The following CCDC27 variants were observed in gnomAD, a reference collection of about 807,000 sequenced individuals.
CCDC27 encodes the protein coiled-coil domain containing 27, also known as coiled-coil domain-containing protein 27.
CCDC27 carries 80 observed loss-of-function variants against 80.3 expected under a neutral mutation model. That is an observed-to-expected ratio of 1.00 (90% CI 0.83 to 1.20). The LOEUF is 1.20. CCDC27 is among the 50% of genes most tolerant of loss of function. The pLI, the probability that CCDC27 is intolerant of heterozygous loss-of-function variation, is 0.00. For synonymous variants in CCDC27, 342 were observed against 334.3 expected (o/e 1.02, Z -0.25); for missense variants, 815 against 809.4 (o/e 1.01, Z -0.08).
At chr1:3,756,526 G>A (rs556623799) in intron 3 of CCDC27, 68 of 515,384 alleles carry the variant, frequency 1.3e-4, no homozygotes, top group East Asian at 2.9e-4. Context: ...GCTGTGCTGG[G>A]TGTGGGCGCC....
intron 2 of CCDC27, 86 bp downstream of exon 2, chr1:3,754,327 C>A (rs540137045): frequency 2.1e-6 from 3 of 1,441,632 alleles, no homozygotes; most frequent in Non-Finnish European, 2.7e-6. Flanking sequence ...CTTCAGCCTG[C>A]GAGCAGCCGC....
intron 11 of CCDC27, 141 bp downstream of exon 11, chr1:3,770,028 C>G (rs1364828146): frequency 4.6e-6 from 3 of 657,700 alleles, no homozygotes; most frequent in African/African-American, 1.8e-5. Context: ...ACCCCAGGAC[C>G]CTCCTTTCTC....
rs1262894988 is a variant in CCDC27, at chr1:3,761,352, G to C, written c.783G>C (p.Glu261Asp). 3.1e-6 allele frequency: 5 copies of C among 1,614,054 alleles called. No individual in the cohort carries two copies. Among genetic ancestry groups the C allele is most frequent in the East Asian group, 4.5e-5 (2 of 44,898 alleles). The change falls in exon 5 of 12, where the codon GAG becomes GAC. Residue 261 changes from glutamate to aspartate, a missense_variant. Glu to Asp is a conservative substitution (Grantham distance 45). Transcript: ENST00000294600. The surrounding 1 kb of genome is among the most constrained non-coding windows in gnomAD (Gnocchi z 5.0). ...AGGAGATCCTGCTGCTCCAGGAGGAGAGGGAGGCCCTGAAGATGCAGCTGA... is the reference window on the plus strand; with the variant it reads ...AGGAGATCCTGCTGCTCCAGGAGGACAGGGAGGCCCTGAAGATGCAGCTGA... ...KDEEILLLQE[E>D]REALKMQLKC...
At position 3,761,411 on chromosome 1, in the gene CCDC27, C is replaced by A; in HGVS notation, c.842C>A (p.Ser281Tyr). 1 of 1,613,888 alleles carries A rather than the reference C, an allele frequency of 6.2e-7. No homozygotes were observed. The highest frequency in any genetic ancestry group is 8.5e-7 in the Non-Finnish European group (1 of 1,179,992). ...CLLKGKGQET[S>Y]MSPGRREQLS... ...CTGAAAGGCAAAGGCCAAGAGACAT[C>A]CATGTCCCCAGGCAGGAGGGTGAGC... The change falls in exon 5 of 12, where the codon TCC becomes TAC. Residue 281 changes from serine (S) to tyrosine (Y), a missense_variant. Transcript: ENST00000294600. The surrounding 1 kb of genome is among the most constrained non-coding windows in gnomAD (Gnocchi z 5.0).
At chr1:3,762,372 T>C (rs558163434) in intron 5 of CCDC27, among the ~76,000 whole-genome samples, 6 of 152,256 alleles carry the variant, frequency 3.9e-5, no homozygotes, top group Non-Finnish European at 5.9e-5. Context: ...TGTCCTTTAC[T>C]GCAAGGCCAC....
chr1:3,754,159 C>T lies in CCDC27; in HGVS notation c.360C>T (p.Ser120=), dbSNP rs866236750. ...KDAASLTGFM[S]KMELRRVFPT... is the part of the protein sequence containing the mutation. ...CCGCCAGCCTCACCGGCTTCATGTC[C>T]AAAATGGAACTTCGAAGGGTCTTCC... The change falls in exon 2 of 12, where the codon TCC becomes TCT. Residue 120 remains serine, a synonymous_variant. Transcript: ENST00000294600. 5 of 1,613,748 alleles carry T rather than the reference C, an allele frequency of 3.1e-6. No individual in the cohort carries two copies. The highest frequency in any genetic ancestry group is 3.4e-6 in the Non-Finnish European group (4 of 1,179,884).
rs563694241 is a variant in CCDC27 at position 3,752,708 on chromosome 1, G to A, written c.227G>A (p.Arg76Gln). 4.2e-5 allele frequency: 68 copies of A among 1,613,872 alleles called. No individual in the cohort carries two copies. In the African/African-American group the frequency reaches 5.3e-4, roughly 13 times the overall value. The change falls in exon 1 of 12, where the codon CGG becomes CAG. Residue 76 changes from arginine (R) to glutamine (Q), a missense_variant. By Grantham distance (43) the Arg-to-Gln change is conservative (BLOSUM62 1). Transcript: ENST00000294600. ...ALVLLQSMASRDARCPEWKPH... is the reference protein window; with the variant it reads ...ALVLLQSMASQDARCPEWKPH... ...GTGCTCCTCCAGAGCATGGCCAGCC[G>A]GGACGCCCGGTGCCCAGAATGGAAA... is the stretch of plus-strand genomic sequence containing the variant.
In CCDC27 at chr1:3,767,387, A is replaced by G; in HGVS notation, c.1685A>G (p.Glu562Gly). Residue 562 changes from glutamate (E) to glycine (G), a missense_variant, in exon 10 of 12, where the codon GAG (glutamate) becomes GGG (glycine). Glu to Gly is a moderately conservative substitution (Grantham distance 98, BLOSUM62 -2). Coordinates refer to ENST00000294600, the MANE Select transcript of CCDC27 (RefSeq NM_152492.3). ...CAGGAGGATTTGCAGAGCAAGAAGGAGATGATTCAGCAGGCAGAGCAGCAC... is the reference window on the plus strand; with the variant it reads ...CAGGAGGATTTGCAGAGCAAGAAGGGGATGATTCAGCAGGCAGAGCAGCAC... ...QLQEDLQSKK[E>G]MIQQAEQHTR... The G allele has an allele frequency of 2.5e-6, 4 of 1,613,752 alleles. No homozygotes were observed. Among genetic ancestry groups the G allele is most frequent in the Non-Finnish European group, 3.4e-6 (4 of 1,180,028 alleles).
intron 11 of CCDC27, 144 bp from the exon 12 acceptor site, chr1:3,771,257 C>G: frequency 1.0e-6 from 1 of 974,590 alleles, no homozygotes; most frequent in South Asian, 1.6e-5. Context: ...AAGTATTCAC[C>G]AGCACACCCC....
rs764686407 is a variant in CCDC27, at chr1:3,761,399, G to T, written c.830G>T (p.Gly277Val). The T allele has an allele frequency of 2.5e-6, 4 of 1,614,040 alleles. No individual in the cohort carries two copies. The highest frequency in any genetic ancestry group is 3.4e-6 in the Non-Finnish European group (4 of 1,180,020). ...MQLKCLLKGK[G>V]QETSMSPGRR... ...CTGAAATGCCTTCTGAAAGGCAAAG[G>T]CCAAGAGACATCCATGTCCCCAGGC... Residue 277 changes from glycine (G) to valine (V), a missense_variant, in exon 5 of 12, where the codon GGC becomes GTC. Physicochemically the swap from Gly to Val is moderately radical, Grantham distance 109 (BLOSUM62 -3). Coordinates refer to ENST00000294600, the MANE Select transcript of CCDC27 (RefSeq NM_152492.3). The surrounding 1 kb of genome is among the most constrained non-coding windows in gnomAD (Gnocchi z 5.0).
rs896574720 is a variant in CCDC27, at chr1:3,768,713, G to A, written c.1744-1070G>A. 2.0e-5 allele frequency among the ~76,000 whole-genome samples: 3 copies of A among 152,154 alleles called. No homozygotes were observed. The highest frequency in any genetic ancestry group is 7.2e-5 in the African/African-American group (3 of 41,434). On this transcript the variant is annotated intron_variant, in intron 10 of 11. Transcript: ENST00000294600. The surrounding 1 kb of genome is among the most constrained non-coding windows in gnomAD (Gnocchi z 5.6). Reference sequence around the variant, plus strand: ...TGAGAAATATTGTGAAGCTAAGTCCGGGTGAGCAGGAACTAGCGCCAAGCC... The same window carrying A: ...TGAGAAATATTGTGAAGCTAAGTCCAGGTGAGCAGGAACTAGCGCCAAGCC...
intron 4 of CCDC27, chr1:3,757,288 A>G (rs1642981242): frequency 6.5e-6 from 1 of 153,750 alleles, no homozygotes; most frequent in African/African-American, 2.4e-5. Flanking sequence ...TATAAGAAAG[A>G]CTAACCTATA....
Position 3,752,497 on chromosome 1 carries a change from T to A in CCDC27, c.16T>A (p.Phe6Ile). MFEAI[F>I]PSTPQARLKR... is the part of the protein sequence containing the mutation. ...CAGCAGGTTCATGTTCGAGGCCATCTTCCCCTCCACACCCCAAGCCAGGCT... is the reference window on the plus strand; with the variant it reads ...CAGCAGGTTCATGTTCGAGGCCATCATCCCCTCCACACCCCAAGCCAGGCT... Residue 6 changes from phenylalanine to isoleucine, a missense_variant, in exon 1 of 12, where the codon TTC (phenylalanine) becomes ATC (isoleucine). Phe to Ile is a conservative substitution (Grantham distance 21, BLOSUM62 0). Transcript: ENST00000294600. The A allele has an allele frequency of 6.2e-7, 1 of 1,613,960 alleles. No homozygotes were observed. The highest frequency in any genetic ancestry group is 8.5e-7 in the Non-Finnish European group (1 of 1,179,954).
rs943329060 is a variant in CCDC27 at position 3,760,942 on chromosome 1, G to A, written c.712-339G>A. On this transcript the variant is annotated intron_variant, in intron 4 of 11. Transcript: ENST00000294600. This position sits in a 1 kb window ranked among gnomAD's most constrained non-coding sequence, Gnocchi z 4.3. ...TGTCGGGGCTGCAAAGAAGACTGGT[G>A]TCCTGTGGTATAGTGGGGTGCAGGG... Among the ~76,000 whole-genome samples the A allele has an allele frequency of 6.6e-6, 1 of 152,168 alleles. No homozygotes were observed. Among genetic ancestry groups the A allele is most frequent in the African/African-American group, 2.4e-5 (1 of 41,428 alleles).
chr1:3,755,411 G>T (rs374316942), intron 2 of CCDC27, 46 bp from the exon 3 acceptor site: 5 of 1,508,066 alleles, frequency 3.3e-6, no homozygotes, highest in African/African-American at 1.4e-5. Context: ...ATCTTGGGGA[G>T]ACAAGACCGC....
intron 11 of CCDC27, 104 bp from the exon 12 acceptor site, chr1:3,771,297 G>C (rs1004489578): frequency 7.0e-7 from 1 of 1,431,990 alleles, no homozygotes; most frequent in African/African-American, 1.4e-5. Flanking sequence ...GGAGGAGGAG[G>C]AGAGGGTGGC....
intron 11 of CCDC27, among the ~76,000 whole-genome samples, chr1:3,770,544 C>T (rs1469799697): frequency 1.3e-5 from 2 of 152,238 alleles, no homozygotes; most frequent in African/African-American, 2.4e-5. Flanking sequence ...AGCCGGGCAC[C>T]GGCTATGGCT....
chr1:3,762,589 G>A (rs1218060306), intron 5 of CCDC27, 31 bp from the exon 6 acceptor site: 2 of 1,541,372 alleles, frequency 1.3e-6, no homozygotes, highest in East Asian at 2.5e-5. Context: ...GGAGGGGCTG[G>A]AAAGCTGAGG....
chr1:3,761,486 C>A lies in CCDC27; in HGVS notation c.861+56C>A. On this transcript the variant is annotated intron_variant, in intron 5 of 11. Coordinates refer to ENST00000294600, the MANE Select transcript of CCDC27 (RefSeq NM_152492.3). This position sits in a 1 kb window ranked among gnomAD's most constrained non-coding sequence, Gnocchi z 5.0. ...AGCTCTAAGACGGTTGTTTTCAAAG[C>A]GTCCAAAGCTGCTAGTGACACACAG... 4.4e-6 allele frequency: 7 copies of A among 1,574,190 alleles called. No homozygotes were observed. The highest frequency in any genetic ancestry group is 6.0e-6 in the Non-Finnish European group (7 of 1,159,172).
Sources: allele counts gnomAD v4.1 joint callset (sites outside exome capture counted in the v4.1 genomes callset), GRCh38; gene constraint gnomAD v4.1.1; non-coding constraint Gnocchi (gnomAD v3.1); transcripts MANE v1.5; gene names NCBI Gene and HGNC (gene_info 2026-07-23, HGNC 2026-07-21).